CYRIA: variants seen among roughly 807,000 people sequenced by gnomAD.
The protein encoded by CYRIA is CYFIP-related Rac1 interactor A.
A neutral mutation model predicts 43.9 loss-of-function variants in CYRIA; 15 were observed. The ratio of observed to expected loss-of-function variants is 0.34; its 90% CI spans 0.23 to 0.53. CYRIA has a LOEUF of 0.53. Ranked by LOEUF, CYRIA falls within the 20% of genes least tolerant of loss-of-function variation. CYRIA has a pLI of 0.94. For missense variants in CYRIA, 236 were observed against 394.2 expected (o/e 0.60, Z 3.40); for synonymous variants, 117 against 136.0 (o/e 0.86, Z 0.97).
chr2:16,655,491 G>A (rs1054893336), intron 1 of CYRIA, among the ~76,000 whole-genome samples: 2 of 152,174 alleles, frequency 1.3e-5, no homozygotes, highest in Admixed American at 6.5e-5. Context: ...CTGATCCTCC[G>A]CAGTTTGGTA....
At position 16,650,635 on chromosome 2, in the gene CYRIA, T is replaced by C. The variant is rs576397875; in HGVS notation, c.-167+15145A>G. 6.6e-6 allele frequency among the ~76,000 whole-genome samples: 1 copy of C among 152,352 alleles called. No homozygotes were observed. The highest frequency in any genetic ancestry group is 1.9e-4 in the East Asian group (1 of 5,182). On this transcript the variant is annotated intron_variant, in intron 1 of 11. Transcript: ENST00000381323. The surrounding 1 kb of genome is among the most constrained non-coding windows in gnomAD (Gnocchi z 4.1). ...CTCAGAGAGACTGGATGCTCCTCTC[T>C]GGCCATGGAAAGGCCTTCTGAGCTC... is the stretch of plus-strand genomic sequence containing the variant.
At chr2:16,615,344 C>T (rs1452961819) in intron 2 of CYRIA, among the ~76,000 whole-genome samples, 1 of 152,172 alleles carries the variant, frequency 6.6e-6, no homozygotes, top group East Asian at 1.9e-4. Context: ...GGATTGGTCC[C>T]GAAATCCGGA....
At chr2:16,560,738 C>A (rs1442678483) in intron 9 of CYRIA, 2 of 521,832 alleles carry the variant, frequency 3.8e-6, no homozygotes, top group Non-Finnish European at 6.9e-6. Context: ...GTGATCTGAG[C>A]CTTGGTTCTG....
In CYRIA at chr2:16,565,813, T is replaced by C. The variant is rs147020150; in HGVS notation, c.71-46A>G. On this transcript the variant is annotated intron_variant, in intron 3 of 11. Coordinates refer to ENST00000381323, the MANE Select transcript of CYRIA (RefSeq NM_030797.4). Reference sequence around the variant, plus strand: ...GAGACAGAGTGCTGGTGTTTACAAATAGCTTGGGAGGAGGATGGATATTCA... The same window carrying C: ...GAGACAGAGTGCTGGTGTTTACAAACAGCTTGGGAGGAGGATGGATATTCA... 1.2e-3 allele frequency: 1,781 copies of C among 1,484,740 alleles called. 17 individuals carry two copies. The African/African-American group carries it at 0.023, about 19-fold the overall frequency. The allele number at this position is 1,484,740 out of a possible 1,614,324, so 92.0% of individuals were successfully genotyped here.
intron 1 of CYRIA, among the ~76,000 whole-genome samples, chr2:16,635,208 G>A (rs760515984): frequency 3.9e-5 from 6 of 152,140 alleles, no homozygotes; most frequent in Non-Finnish European, 8.8e-5. Flanking sequence ...ATCCTATCAC[G>A]CACAGGAAAG....
Position 16,551,356 on chromosome 2 carries a change from G to C in CYRIA, c.*1580C>G, listed in dbSNP as rs973357316. 6.6e-6 allele frequency: 1 copy of C among 152,102 alleles called. No individual in the cohort carries two copies. The highest frequency in any genetic ancestry group is 2.4e-5 in the African/African-American group (1 of 41,410). 9.4% of individuals were successfully genotyped at this position (152,102 alleles called of 1,614,324 possible). ...AGGATTATCATTCACTAAATGCCTG[G>C]GTGACTCCTTCTAGTGGAAACAGGC... On this transcript the variant is annotated 3_prime_UTR_variant, in exon 12 of 12. Transcript: ENST00000381323.
intron 1 of CYRIA, among the ~76,000 whole-genome samples, chr2:16,634,371 T>A (rs967875054): frequency 5.3e-5 from 8 of 152,144 alleles, no homozygotes; most frequent in Admixed American, 4.6e-4. Flanking sequence ...CTTTGATGCC[T>A]CCCAAGCATC....
chr2:16,652,109 C>A lies in CYRIA; in HGVS notation c.-167+13671G>T, dbSNP rs1669989870. On this transcript the variant is annotated intron_variant, in intron 1 of 11. Transcript: ENST00000381323. ...TAATGAACACTCCACAACTTTGTAACTATGGGGTCCATCCTTTGACACCCA... is the reference window on the plus strand; with the variant it reads ...TAATGAACACTCCACAACTTTGTAAATATGGGGTCCATCCTTTGACACCCA... Among the ~76,000 whole-genome samples the A allele has an allele frequency of 2.0e-5, 3 of 152,334 alleles. No homozygotes were observed. The South Asian group carries it at 6.2e-4, about 32-fold the overall frequency.
chr2:16,650,543 G>A lies in CYRIA; in HGVS notation c.-167+15237C>T, dbSNP rs751939614. On this transcript the variant is annotated intron_variant, in intron 1 of 11. Transcript: ENST00000381323. The surrounding 1 kb of genome is among the most constrained non-coding windows in gnomAD (Gnocchi z 4.1). ...ATAGAACAAATGCAGAACCTTCTCC[G>A]TTAAGCTTCATGGGCTGGCAGCCCC... 3.3e-5 allele frequency among the ~76,000 whole-genome samples: 5 copies of A among 152,208 alleles called. No individual in the cohort carries two copies. Among genetic ancestry groups the A allele is most frequent in the East Asian group, 1.9e-4 (1 of 5,198 alleles).
intron 1 of CYRIA, among the ~76,000 whole-genome samples, chr2:16,633,968 C>T (rs1261102232): frequency 2.0e-5 from 3 of 152,090 alleles, no homozygotes; most frequent in East Asian, 1.9e-4. Flanking sequence ...GAACCTGGAT[C>T]GCTGAATAAC....
chr2:16,590,832 G>A (rs1213783028), intron 2 of CYRIA, among the ~76,000 whole-genome samples: 1 of 152,106 alleles, frequency 6.6e-6, no homozygotes, highest in Non-Finnish European at 1.5e-5. Context: ...TAGAAAACAA[G>A]TGTTTCATCT....
intron 3 of CYRIA, among the ~76,000 whole-genome samples, chr2:16,578,484 G>GTTA (rs1667430690): frequency 6.6e-6 from 1 of 152,184 alleles, no homozygotes; most frequent in African/African-American, 2.4e-5. Context: ...ATATGTTAAA[G>GTTA]AATCTATAAT....
intron 1 of CYRIA, among the ~76,000 whole-genome samples, chr2:16,659,842 T>C (rs908991753): frequency 6.6e-6 from 1 of 152,196 alleles, no homozygotes; most frequent in African/African-American, 2.4e-5. Flanking sequence ...GAAGAGCACA[T>C]TGCAGTAACC....
intron 2 of CYRIA, among the ~76,000 whole-genome samples, chr2:16,613,888 T>C (rs1243082058): frequency 6.6e-6 from 1 of 152,226 alleles, no homozygotes; most frequent in Non-Finnish European, 1.5e-5. Flanking sequence ...TCTTGACCAC[T>C]TTGCCAGAAA....
At chr2:16,647,086 T>C (rs1669843200) in intron 1 of CYRIA, among the ~76,000 whole-genome samples, 1 of 152,244 alleles carries the variant, frequency 6.6e-6, no homozygotes, top group Admixed American at 6.5e-5. Context: ...TCCGTATCCG[T>C]ATCTATCTCC....
intron 1 of CYRIA, among the ~76,000 whole-genome samples, chr2:16,641,819 C>G (rs573509670): frequency 6.6e-6 from 1 of 152,314 alleles, no homozygotes; most frequent in South Asian, 2.1e-4. Flanking sequence ...GGGGTGAGAG[C>G]AGAGGACATG....
At chr2:16,656,837 G>C (rs947363345) in intron 1 of CYRIA, among the ~76,000 whole-genome samples, 5 of 152,224 alleles carry the variant, frequency 3.3e-5, no homozygotes, top group Admixed American at 3.3e-4. Flanking sequence ...GTGAGACCTC[G>C]TGAGCGTCAG....
chr2:16,578,998 G>T (rs1370172468), intron 3 of CYRIA, among the ~76,000 whole-genome samples: 1 of 152,014 alleles, frequency 6.6e-6, no homozygotes. Context: ...CAAAAATAAA[G>T]ATAAATTATT....
rs1572200436 is a variant in CYRIA, at chr2:16,644,678, C to G, written c.-166-20659G>C. ...CTGATTAAGTCAGAAATTAACTGGG[C>G]TCTAGAAGTAACTTCCTTGGAGGCC... On this transcript the variant is annotated intron_variant, in intron 1 of 11. Transcript: ENST00000381323. 2.6e-5 allele frequency among the ~76,000 whole-genome samples: 4 copies of G among 152,304 alleles called. 1 individual carries two copies. In the South Asian group the frequency reaches 8.3e-4, roughly 32 times the overall value.
Sources: allele counts gnomAD v4.1 joint callset (sites outside exome capture counted in the v4.1 genomes callset), GRCh38; gene constraint gnomAD v4.1.1; non-coding constraint Gnocchi (gnomAD v3.1); transcripts MANE v1.5; gene names NCBI Gene and HGNC (gene_info 2026-07-23, HGNC 2026-07-21).